Variants in CLIP4 observed in about 807,000 individuals in gnomAD.
CLIP4 encodes CAP-Gly domain containing linker protein family member 4.
A neutral mutation model predicts 73.1 loss-of-function variants in CLIP4; 47 were observed. That is an observed-to-expected ratio of 0.64 (90% CI 0.51 to 0.82). CLIP4 has a LOEUF of 0.82. Among genes scored for constraint, CLIP4 ranks in the 40% least tolerant of loss-of-function variants. CLIP4 has a pLI of 0.00. For synonymous variants in CLIP4, 306 were observed against 295.4 expected (o/e 1.04, Z -0.37); for missense variants, 874 against 852.9 (o/e 1.02, Z -0.31).
Position 29,157,209 on chromosome 2 carries a change from C to T in CLIP4, c.1261C>T (p.Leu421=), listed in dbSNP as rs764649140. 1 of 1,613,994 alleles carries T rather than the reference C, an allele frequency of 6.2e-7. No homozygotes were observed. Among genetic ancestry groups the T allele is most frequent in the East Asian group, 2.2e-5 (1 of 44,876 alleles). Residue 421 remains leucine, a synonymous_variant, in exon 11 of 16, where the codon CTG becomes TTG. Transcript: ENST00000320081. ...ACGTTCTTTATCTGTTACAGTTGCCCTGCTTGGATCTGTCAGCAGCTGCTC... is the reference window on the plus strand; with the variant it reads ...ACGTTCTTTATCTGTTACAGTTGCCTTGCTTGGATCTGTCAGCAGCTGCTC... The part of the protein sequence containing the change: ...LKTVTEKDVA[L]LGSVSSCSST...
At chr2:29,103,960 G>T (rs995464810) in intron 1 of CLIP4, among the ~76,000 whole-genome samples, 7 of 151,654 alleles carry the variant, frequency 4.6e-5, no homozygotes, top group African/African-American at 1.2e-4. Flanking sequence ...ACCTGCCTCG[G>T]CCTCCCAAAG....
At chr2:29,156,495 TTAAAA>T in intron 10 of CLIP4, 52 bp downstream of exon 10, 1 of 1,291,196 alleles carries the variant, frequency 7.7e-7, no homozygotes, top group Non-Finnish European at 1.1e-6. Flanking sequence ...TGATGGAACT[TTAAAA>T]TATGGTAGGA....
chr2:29,129,977 G>T, intron 2 of CLIP4: 1 of 470,788 alleles, frequency 2.1e-6, no homozygotes, highest in South Asian at 1.6e-5. Flanking sequence ...TTTTTCAGCA[G>T]CTGCTCTGGA....
intron 13 of CLIP4, among the ~76,000 whole-genome samples, chr2:29,165,623 T>G (rs1049562220): frequency 6.6e-6 from 1 of 152,234 alleles, no homozygotes; most frequent in Non-Finnish European, 1.5e-5. Context: ...TCTTCTGTGT[T>G]CTCATGTTAC....
intron 4 of CLIP4, 29 bp from the exon 5 acceptor site, chr2:29,133,626 A>G (rs1425172833): frequency 7.0e-6 from 11 of 1,582,172 alleles, no homozygotes; most frequent in Non-Finnish European, 9.4e-6. Flanking sequence ...TTTGTACTAA[A>G]GGAAAGTAAT....
In CLIP4 at chr2:29,157,344, G is replaced by A; in HGVS notation, c.1396G>A (p.Ala466Thr). 6.2e-7 allele frequency: 1 copy of A among 1,614,018 alleles called. No homozygotes were observed. Among genetic ancestry groups the A allele is most frequent in the South Asian group, 1.1e-5 (1 of 91,078 alleles). The change falls in exon 11 of 16, where the codon GCT becomes ACT. Residue 466 changes from alanine (A) to threonine (T), a missense_variant. By Grantham distance (58) the Ala-to-Thr change is moderately conservative. Coordinates refer to ENST00000320081, the MANE Select transcript of CLIP4 (RefSeq NM_024692.6). ...KSPSLSSRAS[A>T]GLNSSATSTA... ...CCCTTCCCTTTCATCCAGAGCCAGT[G>A]CTGGTATCTATGGCTTTTTCAACCA... is the stretch of plus-strand genomic sequence containing the variant.
At chr2:29,150,771 C>A (rs753634424) in intron 8 of CLIP4, among the ~76,000 whole-genome samples, 6 of 150,868 alleles carry the variant, frequency 4.0e-5, no homozygotes, top group Non-Finnish European at 8.8e-5. Context: ...AGGCACGCAC[C>A]ACCGTGCCTG....
At chr2:29,118,580 G>T (rs189874163) in intron 1 of CLIP4, among the ~76,000 whole-genome samples, 1 of 150,874 alleles carries the variant, frequency 6.6e-6, no homozygotes, top group Non-Finnish European at 1.5e-5. Flanking sequence ...CTGCAGTGGC[G>T]GGATCTCGGC....
At chr2:29,164,136 A>G (rs1667458747) in intron 13 of CLIP4, among the ~76,000 whole-genome samples, 182 bp downstream of exon 13, 1 of 152,148 alleles carries the variant, frequency 6.6e-6, no homozygotes, top group African/African-American at 2.4e-5. Flanking sequence ...TTTGCTGAGG[A>G]TTTGCAATTT....
At chr2:29,107,839 G>A (rs926470315) in intron 1 of CLIP4, among the ~76,000 whole-genome samples, 3 of 152,226 alleles carry the variant, frequency 2.0e-5, no homozygotes, top group Admixed American at 2.0e-4. Flanking sequence ...AGCACATGCT[G>A]CTGCACCTGA....
At chr2:29,173,681 T>C (rs1397978598) in intron 14 of CLIP4, among the ~76,000 whole-genome samples, 1 of 152,234 alleles carries the variant, frequency 6.6e-6, no homozygotes, top group Non-Finnish European at 1.5e-5. Flanking sequence ...AATCAAAAGA[T>C]TCATTCAGCA....
intron 3 of CLIP4, 49 bp downstream of exon 3, chr2:29,131,446 G>T: frequency 6.5e-7 from 1 of 1,534,836 alleles, no homozygotes; most frequent in Non-Finnish European, 8.7e-7. Flanking sequence ...ATTGTTAATG[G>T]TATAGATTTT....
intron 1 of CLIP4, among the ~76,000 whole-genome samples, chr2:29,100,560 G>A (rs1044292723): frequency 6.6e-6 from 1 of 151,790 alleles, no homozygotes; most frequent in African/African-American, 2.4e-5. Flanking sequence ...CTACCCCCAT[G>A]AAGTTCACAA....
chr2:29,146,096 T>C (rs369231211), intron 8 of CLIP4, among the ~76,000 whole-genome samples: 1 of 152,332 alleles, frequency 6.6e-6, no homozygotes, highest in Non-Finnish European at 1.5e-5. Flanking sequence ...AGTGTCTTTC[T>C]TGGGACTGGT....
chr2:29,112,819 A>C (rs1040451518), upstream of CLIP4, among the ~76,000 whole-genome samples: 8 of 152,254 alleles, frequency 5.3e-5, no homozygotes, highest in Admixed American at 3.9e-4. Flanking sequence ...TAGGCCCCCT[A>C]TACACTCACA....
intron 1 of CLIP4, among the ~76,000 whole-genome samples, chr2:29,117,148 T>C (rs1001270684): frequency 1.3e-5 from 2 of 152,136 alleles, no homozygotes; most frequent in African/African-American, 4.8e-5. Flanking sequence ...ATCTGGAGAG[T>C]GAGCTGCACT....
At chr2:29,143,263 A>G (rs2147992153) in intron 6 of CLIP4, among the ~76,000 whole-genome samples, 1 of 149,858 alleles carries the variant, frequency 6.7e-6, no homozygotes, top group East Asian at 2.0e-4. Context: ...CCTGCCAGAG[A>G]ACCTGCACAG....
At chr2:29,097,827 A>T (rs1667918360) in exon 1 of CLIP4, 1 of 152,184 alleles carries the variant, frequency 6.6e-6, no homozygotes, top group African/African-American at 2.4e-5. Context: ...GTATGAAAAC[A>T]CCCATTTCCA....
intron 4 of CLIP4, 128 bp downstream of exon 4, chr2:29,132,373 T>A: frequency 5.4e-6 from 4 of 746,212 alleles, no homozygotes; most frequent in Non-Finnish European, 9.1e-6. Context: ...CCTGAAGAGC[T>A]GAGGATTCAG....
Sources: allele counts gnomAD v4.1 joint callset (sites outside exome capture counted in the v4.1 genomes callset), GRCh38; gene constraint gnomAD v4.1.1; transcripts MANE v1.5; gene names NCBI Gene and HGNC (gene_info 2026-07-23, HGNC 2026-07-21).